Variants in ZDHHC12 observed in about 807,000 individuals in gnomAD.
ZDHHC12 encodes the protein zDHHC palmitoyltransferase 12.
Under a neutral mutation model 33.2 loss-of-function variants are expected in ZDHHC12, and 26 were observed. The ratio of observed to expected loss-of-function variants is 0.78; its 90% CI spans 0.57 to 1.09. The LOEUF is 1.09. Ranked by LOEUF, ZDHHC12 falls within the 50% of genes least tolerant of loss-of-function variation. ZDHHC12 has a pLI of 0.00. For synonymous variants in ZDHHC12, 154 were observed against 152.1 expected (o/e 1.01, Z -0.09); for missense variants, 350 against 353.0 (o/e 0.99, Z 0.07).
chr9:128,723,894 C>T lies in ZDHHC12; in HGVS notation c.100+100G>A. 4 of 1,506,464 alleles carry T rather than the reference C, an allele frequency of 2.7e-6. No homozygotes were observed. The highest frequency in any genetic ancestry group is 3.6e-6 in the Non-Finnish European group (4 of 1,114,870). 93.3% of individuals were successfully genotyped at this position (1,506,464 alleles called of 1,614,324 possible). A position where few individuals can be genotyped will look rare whatever the true frequency, so the allele number is the denominator to read the frequency against. ...GAGCTGGTGGAGATCGGGCCAATCC[C>T]AGGATCTCCAGGGATTAGGCGGGAG... On this transcript the variant is annotated intron_variant, in intron 1 of 4. Coordinates refer to ENST00000372663, the MANE Select transcript of ZDHHC12 (RefSeq NM_032799.5). The surrounding 1 kb of genome is among the most constrained non-coding windows in gnomAD (Gnocchi z 4.4).
rs561886889 is a variant in ZDHHC12 at position 128,722,051 on chromosome 9, A to C, written c.273T>G (p.Pro91=). Residue 91 remains proline, a synonymous_variant, in exon 3 of 5, where the codon CCT becomes CCG. Coordinates refer to ENST00000372663, the MANE Select transcript of ZDHHC12 (RefSeq NM_032799.5). The surrounding 1 kb of genome is among the most constrained non-coding windows in gnomAD (Gnocchi z 4.2). ...TGCAGCGCCGAAGAGGGATGGCTGG[A>C]GGAACCATGGCTGTCTGCTCCTCTT... ...ELKEEQTAMV[P]PAIPLRRCRY... is the part of the protein sequence containing the mutation. The C allele has an allele frequency of 4.9e-4, 788 of 1,614,020 alleles. 11 individuals are homozygous for C. The South Asian group carries it at 7.8e-3, about 16-fold the overall frequency.
In ZDHHC12 at chr9:128,722,964, G is replaced by C; in HGVS notation, c.101-390C>G. ...GACTGGATGTGGGAGAGAGGGAAGA[G>C]GGGTCCAGCGTCTCTGGCTCTGCAA... On this transcript the variant is annotated intron_variant, in intron 1 of 4. Coordinates refer to ENST00000372663, the MANE Select transcript of ZDHHC12 (RefSeq NM_032799.5). The surrounding 1 kb of genome is among the most constrained non-coding windows in gnomAD (Gnocchi z 4.2). 4.0e-6 allele frequency: 1 copy of C among 251,698 alleles called. No homozygotes were observed. The allele number at this position is 251,698 out of a possible 1,614,324, so 15.6% of individuals were successfully genotyped here. A position where few individuals can be genotyped will look rare whatever the true frequency, so the allele number is the denominator to read the frequency against.
chr9:128,723,916 G>A lies in ZDHHC12; in HGVS notation c.100+78C>T, dbSNP rs1433442915. On this transcript the variant is annotated intron_variant, in intron 1 of 4. Transcript: ENST00000372663. This position sits in a 1 kb window ranked among gnomAD's most constrained non-coding sequence, Gnocchi z 4.4. ...TCCCAGGATCTCCAGGGATTAGGCG[G>A]GAGACCCAGTGTGACCAGAACGTCT... 6 of 1,537,740 alleles carry A rather than the reference G, an allele frequency of 3.9e-6. No homozygotes were observed. The highest frequency in any genetic ancestry group is 5.3e-6 in the Non-Finnish European group (6 of 1,134,602).
chr9:128,721,920 G>A lies in ZDHHC12; in HGVS notation c.315+89C>T. On this transcript the variant is annotated intron_variant, in intron 3 of 4. Coordinates refer to ENST00000372663, the MANE Select transcript of ZDHHC12 (RefSeq NM_032799.5). The surrounding 1 kb of genome is among the most constrained non-coding windows in gnomAD (Gnocchi z 6.9). Reference sequence around the variant, plus strand: ...GATTCTGGAAGGCCTTCTTGGAGGAGGGGCGAGGCCCAGGCAGTGGGGCAG... The same window carrying A: ...GATTCTGGAAGGCCTTCTTGGAGGAAGGGCGAGGCCCAGGCAGTGGGGCAG... 4 of 1,604,720 alleles carry A rather than the reference G, an allele frequency of 2.5e-6. No individual in the cohort carries two copies. Among genetic ancestry groups the A allele is most frequent in the Non-Finnish European group, 3.4e-6 (4 of 1,173,932 alleles).
rs775280417 is a variant in ZDHHC12 at position 128,722,765 on chromosome 9, A to C, written c.101-191T>G. On this transcript the variant is annotated intron_variant, in intron 1 of 4. Transcript: ENST00000372663. The surrounding 1 kb of genome is among the most constrained non-coding windows in gnomAD (Gnocchi z 4.2). ...CTGGAGGGTCAGAGGGAACCATGGA[A>C]GGTTATAGAGCCAGATCTGTTTTGG... 3.5e-6 allele frequency: 5 copies of C among 1,427,698 alleles called. No homozygotes were observed. The African/African-American group carries it at 7.3e-5, about 21-fold the overall frequency. The allele number at this position is 1,427,698 out of a possible 1,614,324, so 88.4% of individuals were successfully genotyped here. A position where few individuals can be genotyped will look rare whatever the true frequency, so the allele number is the denominator to read the frequency against.
chr9:128,721,913 T>A lies in ZDHHC12; in HGVS notation c.315+96A>T. ...AGGGCCTGATTCTGGAAGGCCTTCT[T>A]GGAGGAGGGGCGAGGCCCAGGCAGT... On this transcript the variant is annotated intron_variant, in intron 3 of 4. Transcript: ENST00000372663. This position sits in a 1 kb window ranked among gnomAD's most constrained non-coding sequence, Gnocchi z 6.9. 1 of 1,603,750 alleles carries A rather than the reference T, an allele frequency of 6.2e-7. No homozygotes were observed. Among genetic ancestry groups the A allele is most frequent in the African/African-American group, 1.3e-5 (1 of 74,796 alleles).
At position 128,721,562 on chromosome 9, in the gene ZDHHC12, C is replaced by T; in HGVS notation, c.483-60G>A. On this transcript the variant is annotated intron_variant, in intron 4 of 4. Transcript: ENST00000372663. The surrounding 1 kb of genome is among the most constrained non-coding windows in gnomAD (Gnocchi z 6.9). Reference sequence around the variant, plus strand: ...GAGGGCAGGGGAGCCCTTCCCTCCCCATGCCGGGTCCCTGGGAGTCCTGGC... The same window carrying T: ...GAGGGCAGGGGAGCCCTTCCCTCCCTATGCCGGGTCCCTGGGAGTCCTGGC... 6.3e-7 allele frequency: 1 copy of T among 1,587,622 alleles called. No homozygotes were observed. The highest frequency in any genetic ancestry group is 2.2e-5 in the East Asian group (1 of 44,548).
At position 128,722,161 on chromosome 9, in the gene ZDHHC12, GC is replaced by G; in HGVS notation, c.238-76del. ...GCATTGGCGGGCAGCTCCCCTAGGG[GC>G]CGGCTTAGCTCTGGGTATGGAGTTT... On this transcript the variant is annotated intron_variant, in intron 2 of 4. Transcript: ENST00000372663. This position sits in a 1 kb window ranked among gnomAD's most constrained non-coding sequence, Gnocchi z 4.2. The G allele has an allele frequency of 6.4e-7, 1 of 1,560,768 alleles. No individual in the cohort carries two copies. The highest frequency in any genetic ancestry group is 8.8e-7 in the Non-Finnish European group (1 of 1,134,782).
chr9:128,721,632 C>G lies in ZDHHC12; in HGVS notation c.482+19G>C. 1 of 1,611,172 alleles carries G rather than the reference C, an allele frequency of 6.2e-7. No homozygotes were observed. The highest frequency in any genetic ancestry group is 8.5e-7 in the Non-Finnish European group (1 of 1,178,208). On this transcript the variant is annotated intron_variant, in intron 4 of 4. Coordinates refer to ENST00000372663, the MANE Select transcript of ZDHHC12 (RefSeq NM_032799.5). The surrounding 1 kb of genome is among the most constrained non-coding windows in gnomAD (Gnocchi z 6.9). ...GCATTCATCCCACCCTCCCTCTACA[C>G]CCGGGCAGCAGCACCCACCATGCCA... is the stretch of plus-strand genomic sequence containing the variant.
At position 128,722,838 on chromosome 9, in the gene ZDHHC12, G is replaced by A; in HGVS notation, c.101-264C>T. On this transcript the variant is annotated intron_variant, in intron 1 of 4. Coordinates refer to ENST00000372663, the MANE Select transcript of ZDHHC12 (RefSeq NM_032799.5). The surrounding 1 kb of genome is among the most constrained non-coding windows in gnomAD (Gnocchi z 4.2). The stretch of plus-strand genomic sequence containing the variant: ...GGATCAGGGGAAGCCTGGGGGCAGA[G>A]AATCTGGCCAGGAGGAAGAAGAGAG... The A allele has an allele frequency of 8.6e-7, 1 of 1,166,924 alleles. No homozygotes were observed. Among genetic ancestry groups the A allele is most frequent in the Non-Finnish European group, 1.1e-6 (1 of 884,914 alleles). The allele number at this position is 1,166,924 out of a possible 1,614,324, so 72.3% of individuals were successfully genotyped here. A position where few individuals can be genotyped will look rare whatever the true frequency, so the allele number is the denominator to read the frequency against.
In ZDHHC12 at chr9:128,722,112, C is replaced by T. The variant is rs973533179; in HGVS notation, c.238-26G>A. 3 of 1,613,632 alleles carry T rather than the reference C, an allele frequency of 1.9e-6. No homozygotes were observed. The highest frequency in any genetic ancestry group is 2.5e-6 in the Non-Finnish European group (3 of 1,179,770). The stretch of plus-strand genomic sequence containing the variant: ...CTGGAATGAGGGGTGGGGTGTAAGA[C>T]AGGGTCCCCTTGGGAGACAGATGGC... On this transcript the variant is annotated intron_variant, in intron 2 of 4. Transcript: ENST00000372663. The surrounding 1 kb of genome is among the most constrained non-coding windows in gnomAD (Gnocchi z 4.2).
Position 128,721,438 on chromosome 9 carries a change from T to A in ZDHHC12, c.547A>T (p.Thr183Ser), listed in dbSNP as rs1194188281. The change falls in exon 5 of 5, where the codon ACC becomes TCC. Residue 183 changes from threonine to serine, a missense_variant. Thr to Ser is a moderately conservative substitution (Grantham distance 58, BLOSUM62 1). Coordinates refer to ENST00000372663, the MANE Select transcript of ZDHHC12 (RefSeq NM_032799.5). This position sits in a 1 kb window ranked among gnomAD's most constrained non-coding sequence, Gnocchi z 6.9. The part of the protein sequence containing the change: ...WLRSSGLLFA[T>S]FLLLSLFSLV... ...GAGAAGAGGGACAGCAGCAGGAAGG[T>A]GGCGAACAGGAGCCCGCTGGACCGC... 1 of 1,583,254 alleles carries A rather than the reference T, an allele frequency of 6.3e-7. No individual in the cohort carries two copies. The highest frequency in any genetic ancestry group is 8.6e-7 in the Non-Finnish European group (1 of 1,166,036).
In ZDHHC12 at chr9:128,721,109, G is replaced by A; in HGVS notation, c.*72C>T. ...CAGGAGTGAGGGCCCCAGGCCCTCTGAGCGCTCACCCCAGCTGGGGACAGG... is the reference window on the plus strand; with the variant it reads ...CAGGAGTGAGGGCCCCAGGCCCTCTAAGCGCTCACCCCAGCTGGGGACAGG... On this transcript the variant is annotated 3_prime_UTR_variant, in exon 5 of 5. Transcript: ENST00000372663. This position sits in a 1 kb window ranked among gnomAD's most constrained non-coding sequence, Gnocchi z 6.9. 3 of 1,425,370 alleles carry A rather than the reference G, an allele frequency of 2.1e-6. No individual in the cohort carries two copies. Among genetic ancestry groups the A allele is most frequent in the Non-Finnish European group, 1.8e-6 (2 of 1,085,152 alleles). 88.3% of individuals were successfully genotyped at this position (1,425,370 alleles called of 1,614,324 possible). A position where few individuals can be genotyped will look rare whatever the true frequency, so the allele number is the denominator to read the frequency against.
At position 128,721,147 on chromosome 9, in the gene ZDHHC12, C is replaced by T; in HGVS notation, c.*34G>A. ...AGCTGGGGACAGGCCCCGTGGTTTT[C>T]AGGCACAAGACGGTAGCCCGGCCTC... On this transcript the variant is annotated 3_prime_UTR_variant, in exon 5 of 5. Transcript: ENST00000372663. This position sits in a 1 kb window ranked among gnomAD's most constrained non-coding sequence, Gnocchi z 6.9. 1 of 1,504,422 alleles carries T rather than the reference C, an allele frequency of 6.6e-7. No individual in the cohort carries two copies. The highest frequency in any genetic ancestry group is 8.8e-7 in the Non-Finnish European group (1 of 1,131,644). 93.2% of individuals were successfully genotyped at this position (1,504,422 alleles called of 1,614,324 possible).
At position 128,722,461 on chromosome 9, in the gene ZDHHC12, C is replaced by T. The variant is rs988412289; in HGVS notation, c.214G>A (p.Val72Met). ...LAVSLMDPGY[V>M]NVQPQPQEEL... ...ACCTGAGGCTGGGGCTGCACATTCA[C>T]GTAGCCAGGGTCCATGAGTGACACA... is the stretch of plus-strand genomic sequence containing the variant. The change falls in exon 2 of 5, where the codon GTG (valine) becomes ATG (methionine). Residue 72 changes from valine (V) to methionine (M), a missense_variant. Val to Met is a conservative substitution (Grantham distance 21). Coordinates refer to ENST00000372663, the MANE Select transcript of ZDHHC12 (RefSeq NM_032799.5). This position sits in a 1 kb window ranked among gnomAD's most constrained non-coding sequence, Gnocchi z 4.2. The T allele has an allele frequency of 1.2e-5, 19 of 1,534,890 alleles. No individual in the cohort carries two copies. The highest frequency in any genetic ancestry group is 2.0e-4 in the Middle Eastern group (1 of 5,110).
Position 128,723,901 on chromosome 9 carries a change from T to A in ZDHHC12, c.100+93A>T. Reference sequence around the variant, plus strand: ...TGGAGATCGGGCCAATCCCAGGATCTCCAGGGATTAGGCGGGAGACCCAGT... The same window carrying A: ...TGGAGATCGGGCCAATCCCAGGATCACCAGGGATTAGGCGGGAGACCCAGT... On this transcript the variant is annotated intron_variant, in intron 1 of 4. Coordinates refer to ENST00000372663, the MANE Select transcript of ZDHHC12 (RefSeq NM_032799.5). The surrounding 1 kb of genome is among the most constrained non-coding windows in gnomAD (Gnocchi z 4.4). 1 of 1,514,442 alleles carries A rather than the reference T, an allele frequency of 6.6e-7. No homozygotes were observed. The highest frequency in any genetic ancestry group is 2.5e-5 in the East Asian group (1 of 39,850). The allele number at this position is 1,514,442 out of a possible 1,614,324, so 93.8% of individuals were successfully genotyped here. A position where few individuals can be genotyped will look rare whatever the true frequency, so the allele number is the denominator to read the frequency against.
chr9:128,722,569 G>A lies in ZDHHC12; in HGVS notation c.106C>T (p.Arg36Trp), dbSNP rs760375940. 14 of 1,592,946 alleles carry A rather than the reference G, an allele frequency of 8.8e-6. No homozygotes were observed. The highest frequency in any genetic ancestry group is 2.3e-5 in the South Asian group (2 of 87,700). ...LVLFLHDTEL[R>W]QWEEQGELLL... ...AGCTCCCCCTGCTCCTCCCATTGCC[G>A]CAGCTCTGGAGAGGCCGGAGAGCAC... Residue 36 changes from arginine to tryptophan, a missense_variant, in exon 2 of 5, where the codon CGG becomes TGG. By Grantham distance (101) the Arg-to-Trp change is moderately radical (BLOSUM62 -3). Transcript: ENST00000372663. This position sits in a 1 kb window ranked among gnomAD's most constrained non-coding sequence, Gnocchi z 4.2.
Position 128,721,158 on chromosome 9 carries a change from C to T in ZDHHC12, c.*23G>A, listed in dbSNP as rs370810227. 2.5e-5 allele frequency: 38 copies of T among 1,525,258 alleles called. 1 individual carries two copies. Among genetic ancestry groups the T allele is most frequent in the Admixed American group, 1.6e-4 (8 of 49,416 alleles). 94.5% of individuals were successfully genotyped at this position (1,525,258 alleles called of 1,614,324 possible). A position where few individuals can be genotyped will look rare whatever the true frequency, so the allele number is the denominator to read the frequency against. Reference sequence around the variant, plus strand: ...GGCCCCGTGGTTTTCAGGCACAAGACGGTAGCCCGGCCTCCAGCAACCCTA... The same window carrying T: ...GGCCCCGTGGTTTTCAGGCACAAGATGGTAGCCCGGCCTCCAGCAACCCTA... On this transcript the variant is annotated 3_prime_UTR_variant, in exon 5 of 5. Transcript: ENST00000372663. This position sits in a 1 kb window ranked among gnomAD's most constrained non-coding sequence, Gnocchi z 6.9.
Position 128,724,111 on chromosome 9 carries a change from C to T in ZDHHC12, c.-18G>A, listed in dbSNP as rs1455079997. On this transcript the variant is annotated 5_prime_UTR_variant, in exon 1 of 5. Transcript: ENST00000372663. ...GGCGCCATCGCCTCGGCCCGGGGCCCCACCCGGAAGAAGCGCCCAGAGGGG... is the reference window on the plus strand; with the variant it reads ...GGCGCCATCGCCTCGGCCCGGGGCCTCACCCGGAAGAAGCGCCCAGAGGGG... The T allele has an allele frequency of 6.5e-7, 1 of 1,527,180 alleles. No homozygotes were observed. The highest frequency in any genetic ancestry group is 1.2e-5 in the South Asian group (1 of 82,524). The allele number at this position is 1,527,180 out of a possible 1,614,324, so 94.6% of individuals were successfully genotyped here.
Sources: allele counts gnomAD v4.1 joint callset, GRCh38; gene constraint gnomAD v4.1.1; non-coding constraint Gnocchi (gnomAD v3.1); transcripts MANE v1.5; gene names NCBI Gene and HGNC (gene_info 2026-07-23, HGNC 2026-07-21).